SCHIP1: variants seen among roughly 807,000 people sequenced by gnomAD.
SCHIP1 encodes the protein schwannomin-interacting protein 1.
SCHIP1 carries 8 observed loss-of-function variants against 29.7 expected under a neutral mutation model. The ratio of observed to expected loss-of-function variants is 0.27; its 90% CI spans 0.16 to 0.49. SCHIP1 has a LOEUF of 0.49. Ranked by LOEUF, SCHIP1 falls within the 20% of genes least tolerant of loss-of-function variation. The pLI, the probability that SCHIP1 is intolerant of heterozygous loss-of-function variation, is 0.99. For missense variants in SCHIP1, 193 were observed against 294.6 expected (o/e 0.66, Z 2.52); for synonymous variants, 76 against 94.9 (o/e 0.80, Z 1.16).
the SCHIP1 span, among the ~76,000 whole-genome samples, chr3:159,334,662 T>C: frequency 2.6e-5 from 4 of 152,176 alleles, no homozygotes; most frequent in African/African-American, 9.7e-5. Context: ...GAGACTGGCT[T>C]GTTTCACTTA....
chr3:159,550,653 C>A, the SCHIP1 span, among the ~76,000 whole-genome samples: 1 of 151,870 alleles, frequency 6.6e-6, no homozygotes, highest in Non-Finnish European at 1.5e-5. Context: ...ATATTTTTAT[C>A]CAAATTTGTA....
At chr3:159,385,940 G>T in the SCHIP1 span, among the ~76,000 whole-genome samples, 1 of 152,032 alleles carries the variant, frequency 6.6e-6, no homozygotes, top group Admixed American at 6.6e-5. Flanking sequence ...GTGAGAACAT[G>T]CAGTGTTTGG....
the SCHIP1 span, among the ~76,000 whole-genome samples, chr3:159,771,140 C>T: frequency 6.6e-6 from 1 of 152,166 alleles, no homozygotes; most frequent in Non-Finnish European, 1.5e-5. Flanking sequence ...TACATTTCTT[C>T]CTAGAATGGT....
chr3:159,803,560 A>C, the SCHIP1 span, among the ~76,000 whole-genome samples: 1 of 152,302 alleles, frequency 6.6e-6, no homozygotes, highest in Admixed American at 6.5e-5. Context: ...CTACCTAAGG[A>C]ATTAGATCAT....
chr3:159,394,693 G>C, the SCHIP1 span, among the ~76,000 whole-genome samples: 2 of 152,126 alleles, frequency 1.3e-5, no homozygotes, highest in African/African-American at 4.8e-5. Flanking sequence ...TAAGCTTTTT[G>C]ATGTGCTGCT....
At chr3:159,852,882 C>G (rs1712827456) in intron 1 of SCHIP1, 1 of 152,450 alleles carries the variant, frequency 6.6e-6, no homozygotes, top group Non-Finnish European at 1.5e-5. Context: ...GTAGTGAAGT[C>G]GGCTGGGCTG....
chr3:159,555,974 G>A, the SCHIP1 span, among the ~76,000 whole-genome samples: 1 of 152,136 alleles, frequency 6.6e-6, no homozygotes, highest in Non-Finnish European at 1.5e-5. Flanking sequence ...GTAGATGACA[G>A]GTTGATGGGT....
chr3:159,739,095 G>A, the SCHIP1 span, among the ~76,000 whole-genome samples: 3 of 152,186 alleles, frequency 2.0e-5, no homozygotes, highest in Non-Finnish European at 4.4e-5. Context: ...TTGAGGGCAG[G>A]ACACCATTGG....
At chr3:159,715,544 G>C in the SCHIP1 span, among the ~76,000 whole-genome samples, 1 of 152,186 alleles carries the variant, frequency 6.6e-6, no homozygotes, top group African/African-American at 2.4e-5. Flanking sequence ...AAACAGCGTA[G>C]AGAAGACCTT....
chr3:159,582,182 C>T, the SCHIP1 span, among the ~76,000 whole-genome samples: 3 of 151,328 alleles, frequency 2.0e-5, no homozygotes, highest in African/African-American at 4.9e-5. Context: ...TTTGTTTTGT[C>T]TTGTTTTTGA....
At chr3:159,831,882 A>G in the SCHIP1 span, among the ~76,000 whole-genome samples, 2 of 150,758 alleles carry the variant, frequency 1.3e-5, no homozygotes, top group African/African-American at 4.9e-5. Flanking sequence ...AAGCGAAACC[A>G]TAGATAAGGG....
At chr3:159,429,036 G>C in the SCHIP1 span, among the ~76,000 whole-genome samples, 2 of 148,370 alleles carry the variant, frequency 1.3e-5, no homozygotes, top group Non-Finnish European at 1.5e-5. Context: ...TCACACTCTG[G>C]GGACTGTTGT....
chr3:159,588,237 T>C, the SCHIP1 span, among the ~76,000 whole-genome samples: 2 of 152,252 alleles, frequency 1.3e-5, no homozygotes, highest in African/African-American at 2.4e-5. Flanking sequence ...GAGCATTTTT[T>C]CATGTGTCTG....
At chr3:159,546,540 T>A in the SCHIP1 span, among the ~76,000 whole-genome samples, 3 of 152,024 alleles carry the variant, frequency 2.0e-5, no homozygotes, top group African/African-American at 7.2e-5. Flanking sequence ...CTGCATGCAT[T>A]AGGTTATTTG....
the SCHIP1 span, among the ~76,000 whole-genome samples, chr3:159,810,625 G>A: frequency 6.6e-6 from 1 of 152,144 alleles, no homozygotes. Flanking sequence ...AGTCTTCCAT[G>A]CTGTAGCACA....
the SCHIP1 span, among the ~76,000 whole-genome samples, chr3:159,559,279 C>G: frequency 6.6e-6 from 1 of 152,114 alleles, no homozygotes; most frequent in African/African-American, 2.4e-5. Context: ...AATTTCTTTC[C>G]CATTAGTATA....
the SCHIP1 span, among the ~76,000 whole-genome samples, chr3:159,280,581 C>T: frequency 2.6e-5 from 4 of 152,040 alleles, no homozygotes; most frequent in East Asian, 1.9e-4. Flanking sequence ...GATCGTGCTT[C>T]GAGATATTTG....
the SCHIP1 span, among the ~76,000 whole-genome samples, chr3:159,398,557 CG>C: frequency 6.6e-6 from 1 of 151,972 alleles, no homozygotes; most frequent in Non-Finnish European, 1.5e-5. Context: ...GACTGGATTC[CG>C]GGGGAACAAT....
the SCHIP1 span, among the ~76,000 whole-genome samples, chr3:159,441,186 C>T: frequency 6.6e-6 from 1 of 152,128 alleles, no homozygotes; most frequent in African/African-American, 2.4e-5. Context: ...TACACACACA[C>T]ATATTTACAT....
Sources: gnomAD v4.1 joint callset for allele counts (sites outside exome capture counted in the v4.1 genomes callset) on GRCh38, gnomAD v4.1.1 for gene constraint, MANE v1.5 for transcripts, NCBI Gene and HGNC (gene_info 2026-07-23, HGNC 2026-07-21) for gene names.